The following GDAP1 variants were observed in gnomAD, a reference collection of about 807,000 sequenced individuals.
GDAP1 encodes ganglioside-induced differentiation-associated protein 1.
GDAP1 carries 34 observed loss-of-function variants against 40.1 expected under a neutral mutation model. That is an observed-to-expected ratio of 0.85 (90% CI 0.64 to 1.13). The LOEUF is 1.13. Ranked by LOEUF, GDAP1 falls within the 50% of genes most tolerant of loss-of-function variation. The probability of loss-of-function intolerance (pLI) is 0.00; values close to 1 mark genes in which losing one functional copy is unlikely to be tolerated. For missense variants in GDAP1, 374 were observed against 433.7 expected (o/e 0.86, Z 1.22); for synonymous variants, 170 against 157.4 (o/e 1.08, Z -0.60).
intron 2 of GDAP1, among the ~76,000 whole-genome samples, chr8:74,486,158 A>G (rs1308691144): frequency 6.6e-6 from 1 of 152,194 alleles, no homozygotes; most frequent in Middle Eastern, 3.2e-3. Flanking sequence ...ACAGAAAATC[A>G]TTACCTACAG....
intron 2 of GDAP1, among the ~76,000 whole-genome samples, chr8:74,476,376 T>C (rs1806629284): frequency 6.6e-6 from 1 of 152,186 alleles, no homozygotes; most frequent in South Asian, 2.1e-4. Flanking sequence ...TGCTTTATAG[T>C]GTCAATGGTC....
chr8:74,424,861 C>T (rs974959258), intron 2 of GDAP1, among the ~76,000 whole-genome samples: 1 of 152,162 alleles, frequency 6.6e-6, no homozygotes, highest in African/African-American at 2.4e-5. Flanking sequence ...CAAGACTCTA[C>T]CTGCCACTAA....
chr8:74,434,203 T>A (rs1395117529), intron 2 of GDAP1, among the ~76,000 whole-genome samples: 1 of 152,204 alleles, frequency 6.6e-6, no homozygotes, highest in African/African-American at 2.4e-5. Context: ...AGCAGTCTTC[T>A]GGGGACTGTT....
rs1339926098 is a variant in GDAP1, at chr8:74,450,803, C to T, written c.166-37875C>T. On this transcript the variant is annotated intron_variant, in intron 2 of 2. Coordinates refer to the GDAP1 transcript ENST00000523640. The stretch of plus-strand genomic sequence containing the variant: ...TGTTTGGATTTATGTCCACCGTTTC[C>T]TATTGTTTATTTGAATAATGTATTT... Among the ~76,000 whole-genome samples the T allele has an allele frequency of 1.1e-3, 55 of 51,162 alleles. 18 individuals are homozygous for T. Among genetic ancestry groups the T allele is most frequent in the African/African-American group, 5.0e-3 (55 of 10,924 alleles). 33.6% of individuals were successfully genotyped at this position (51,162 alleles called of 152,430 possible). A position where few individuals can be genotyped will look rare whatever the true frequency, so the allele number is the denominator to read the frequency against.
At chr8:74,355,785 G>T (rs1226709422) in intron 2 of GDAP1, among the ~76,000 whole-genome samples, 1 of 152,066 alleles carries the variant, frequency 6.6e-6, no homozygotes, top group Non-Finnish European at 1.5e-5. Context: ...GTGATTTAAT[G>T]TAACAGTTCT....
intron 2 of GDAP1, among the ~76,000 whole-genome samples, chr8:74,411,211 A>G (rs1805705314): frequency 2.0e-5 from 3 of 149,936 alleles, no homozygotes; most frequent in Admixed American, 2.0e-4. Context: ...TTCCTTTATA[A>G]ATTGCCCAGT....
chr8:74,400,088 C>G (rs574667932), intron 2 of GDAP1, among the ~76,000 whole-genome samples: 1 of 148,486 alleles, frequency 6.7e-6, no homozygotes, highest in Admixed American at 6.6e-5. Flanking sequence ...GAGCTGAGTT[C>G]AATTCCTGGG....
chr8:74,447,515 G>C (rs960753499), intron 2 of GDAP1, among the ~76,000 whole-genome samples: 1 of 152,068 alleles, frequency 6.6e-6, no homozygotes, highest in African/African-American at 2.4e-5. Flanking sequence ...ACCTTACCTC[G>C]TGATGGCTTG....
At chr8:74,486,610 A>C (rs1806779316) in intron 2 of GDAP1, among the ~76,000 whole-genome samples, 1 of 152,212 alleles carries the variant, frequency 6.6e-6, no homozygotes, top group African/African-American at 2.4e-5. Flanking sequence ...TTGAGGCTGA[A>C]GCACTGTTGG....
chr8:74,431,497 T>TTTA (rs1563468120), intron 2 of GDAP1, among the ~76,000 whole-genome samples: 10 of 115,368 alleles, frequency 8.7e-5, no homozygotes, highest in East Asian at 6.9e-4. Context: ...TTATTTATTT[T>TTTA]TTGAGACAGA....
In GDAP1 at chr8:74,364,576, G is replaced by A. The variant is rs766161487; in HGVS notation, c.*209G>A. 2.9e-6 allele frequency: 2 copies of A among 682,512 alleles called. No homozygotes were observed. Among genetic ancestry groups the A allele is most frequent in the South Asian group, 1.5e-5 (1 of 66,676 alleles). 42.3% of individuals were successfully genotyped at this position (682,512 alleles called of 1,614,324 possible). On this transcript the variant is annotated 3_prime_UTR_variant, in exon 6 of 6. Transcript: ENST00000220822. The stretch of plus-strand genomic sequence containing the variant: ...CAACTGCCAGCTCCAGGCAGAAATA[G>A]GAAGGCAAAGAGATAAGAGAAGGAA...
At chr8:74,375,090 G>T (rs563731945) in intron 2 of GDAP1, among the ~76,000 whole-genome samples, 1 of 152,310 alleles carries the variant, frequency 6.6e-6, no homozygotes, top group African/African-American at 2.4e-5. Context: ...ATCTTGGGAG[G>T]TCAAGGTGGG....
chr8:74,417,757 CAAAAAA>C (rs71269993), intron 2 of GDAP1, among the ~76,000 whole-genome samples: 51 of 75,896 alleles, frequency 6.7e-4, no homozygotes, highest in African/African-American at 4.6e-4. Flanking sequence ...AACTCCATCT[CAAAAAA>C]AAAAAAAAAA....
At chr8:74,421,586 A>C (rs1805858229) in intron 2 of GDAP1, among the ~76,000 whole-genome samples, 1 of 152,154 alleles carries the variant, frequency 6.6e-6, no homozygotes, top group Non-Finnish European at 1.5e-5. Flanking sequence ...AACCATATTG[A>C]ACAAATTTCA....
intron 2 of GDAP1, among the ~76,000 whole-genome samples, chr8:74,409,157 G>A (rs896673625): frequency 2.0e-5 from 3 of 150,078 alleles, no homozygotes; most frequent in Non-Finnish European, 4.4e-5. Flanking sequence ...CAAACTGGAA[G>A]CAGATATGAT....
intron 2 of GDAP1, among the ~76,000 whole-genome samples, chr8:74,381,607 T>C (rs1447196942): frequency 6.6e-6 from 1 of 151,710 alleles, no homozygotes; most frequent in Non-Finnish European, 1.5e-5. Flanking sequence ...AATACAAAAA[T>C]TAGTTGGACG....
At chr8:74,486,092 A>G (rs1806772974) in intron 2 of GDAP1, among the ~76,000 whole-genome samples, 1 of 152,176 alleles carries the variant, frequency 6.6e-6, no homozygotes, top group Non-Finnish European at 1.5e-5. Flanking sequence ...CCACCATTCC[A>G]TGGGGGCATA....
rs1188358745 is a variant in GDAP1 at position 74,422,248 on chromosome 8, CCTTT to C, written c.166-66417_166-66414del. Among the ~76,000 whole-genome samples, 774 of 123,230 alleles carry C rather than the reference CCTTT, an allele frequency of 6.3e-3. 11 individuals are homozygous for C. The highest frequency in any genetic ancestry group is 0.019 in the African/African-American group (714 of 36,886). The allele number at this position is 123,230 out of a possible 152,430, so 80.8% of individuals were successfully genotyped here. On this transcript the variant is annotated intron_variant, in intron 2 of 2. Transcript: ENST00000523640. The stretch of plus-strand genomic sequence containing the variant: ...TCCCTTCCTTCCTCCCTCCCTCCCT[CCTTT>C]CTTTCTTTCTTTTTCTTTTCTTTTC...
chr8:74,426,658 G>C (rs1024514338), intron 2 of GDAP1, among the ~76,000 whole-genome samples: 4 of 152,120 alleles, frequency 2.6e-5, no homozygotes, highest in Non-Finnish European at 5.9e-5. Flanking sequence ...TTGAATGCTG[G>C]CTAGAAGAGC....
Sources: allele counts gnomAD v4.1 joint callset (sites outside exome capture counted in the v4.1 genomes callset), GRCh38; gene constraint gnomAD v4.1.1; transcripts MANE v1.5; gene names NCBI Gene and HGNC (gene_info 2026-07-23, HGNC 2026-07-21).